The following GRID2 variants were observed in gnomAD, a reference collection of about 807,000 sequenced individuals.
The protein encoded by GRID2 is glutamate receptor ionotropic, delta-2.
In GRID2, 33 loss-of-function variants were observed where a neutral mutation model predicts 114.8. That is an observed-to-expected ratio of 0.29 (90% CI 0.22 to 0.38). The LOEUF (loss-of-function observed/expected upper bound fraction) is 0.38, where lower values mean the gene tolerates loss of function less well. Among genes scored for constraint, GRID2 ranks in the 10% least tolerant of loss-of-function variants. GRID2 has a pLI of 1.00. For synonymous variants in GRID2, 505 were observed against 449.9 expected, an observed-to-expected ratio of 1.12 and a Z score of -1.55; for missense variants, 1,184 against 1,257.7, an observed-to-expected ratio of 0.94 and a Z score of 0.89.
At chr4:92,828,112 T>C (rs1233779934) in intron 2 of GRID2, among the ~76,000 whole-genome samples, 2 of 152,044 alleles carry the variant, frequency 1.3e-5, no homozygotes. Flanking sequence ...ACTCCTCAAG[T>C]AATTGGTAAT....
intron 3 of GRID2, among the ~76,000 whole-genome samples, chr4:93,110,365 A>G (rs1241976027): frequency 6.6e-6 from 1 of 152,176 alleles, no homozygotes; most frequent in Non-Finnish European, 1.5e-5. Context: ...TCATGCTTAC[A>G]TGAGGTTAAT....
intron 2 of GRID2, among the ~76,000 whole-genome samples, chr4:93,039,286 G>C (rs531429487): frequency 1.3e-5 from 2 of 151,782 alleles, no homozygotes; most frequent in African/African-American, 4.8e-5. Flanking sequence ...CATGGACACA[G>C]GGAGGGGAAC....
At chr4:93,390,052 G>T (rs1179055343) in intron 8 of GRID2, among the ~76,000 whole-genome samples, 2 of 152,192 alleles carry the variant, frequency 1.3e-5, no homozygotes, top group Non-Finnish European at 2.9e-5. Context: ...GCCTCCCAAA[G>T]TGTTGGGACT....
At chr4:92,777,542 G>A (rs991598703) in intron 2 of GRID2, among the ~76,000 whole-genome samples, 9 of 152,000 alleles carry the variant, frequency 5.9e-5, no homozygotes, top group African/African-American at 1.9e-4. Context: ...CTTCTTAAAC[G>A]AGATGATCTG....
intron 3 of GRID2, among the ~76,000 whole-genome samples, chr4:93,094,577 A>G (rs1731045439): frequency 6.6e-6 from 1 of 152,000 alleles, no homozygotes; most frequent in Non-Finnish European, 1.5e-5. Flanking sequence ...ATAAATAGGT[A>G]ATATAATTTT....
intron 4 of GRID2, among the ~76,000 whole-genome samples, chr4:93,136,300 A>T (rs1028506911): frequency 1.3e-5 from 2 of 150,214 alleles, no homozygotes; most frequent in Non-Finnish European, 3.0e-5. Flanking sequence ...TAAGAATGCT[A>T]ACCTCTTGGA....
In GRID2 at chr4:93,198,536, T is replaced by C. The variant is rs72889672; in HGVS notation, c.736-8868T>C. Reference sequence around the variant, plus strand: ...AGAGGGACTAAGGGGTTATATAAAATACGTACAACATGGCCCTCACAGCCA... The same window carrying C: ...AGAGGGACTAAGGGGTTATATAAAACACGTACAACATGGCCCTCACAGCCA... On this transcript the variant is annotated intron_variant, in intron 4 of 15. Transcript: ENST00000282020. 7.7e-3 allele frequency among the ~76,000 whole-genome samples: 1,169 copies of C among 152,150 alleles called. 23 individuals carry two copies. Among genetic ancestry groups the C allele is most frequent in the African/African-American group, 0.027 (1,114 of 41,506 alleles).
chr4:92,578,782 G>A (rs911085033), intron 1 of GRID2, among the ~76,000 whole-genome samples: 8 of 143,354 alleles, frequency 5.6e-5, no homozygotes, highest in African/African-American at 2.1e-4. Context: ...TTGAATTCTT[G>A]TAATTACCAT....
chr4:93,501,190 T>G (rs534717775), intron 12 of GRID2, among the ~76,000 whole-genome samples: 3 of 151,992 alleles, frequency 2.0e-5, no homozygotes, highest in Non-Finnish European at 2.9e-5. Context: ...AAAAATTAGA[T>G]AGAAATATGA....
Position 92,540,140 on chromosome 4 carries a change from T to C in GRID2, c.89-49991T>C, listed in dbSNP as rs538427847. Among the ~76,000 whole-genome samples the C allele has an allele frequency of 1.5e-4, 23 of 152,234 alleles. No individual in the cohort carries two copies. The East Asian group carries it at 4.3e-3, about 28-fold the overall frequency. ...CCCTTCTTTACACCTTATACAAAAA[T>C]TAATTCAAGATGGATTAAAGACTTC... On this transcript the variant is annotated intron_variant, in intron 1 of 15. Coordinates refer to ENST00000282020, the MANE Select transcript of GRID2 (RefSeq NM_001510.4).
chr4:92,366,697 A>C (rs1728884992), intron 1 of GRID2, among the ~76,000 whole-genome samples: 2 of 152,094 alleles, frequency 1.3e-5, no homozygotes, highest in South Asian at 4.1e-4. Context: ...AAAGACCTAA[A>C]GGTAAGACCT....
At chr4:93,408,078 T>C (rs1275805027) in intron 9 of GRID2, among the ~76,000 whole-genome samples, 1 of 152,100 alleles carries the variant, frequency 6.6e-6, no homozygotes, top group African/African-American at 2.4e-5. Flanking sequence ...GAAAAAAGTA[T>C]TGAGGCCGAG....
At chr4:93,296,029 AATAGCAGAT>A (rs61428448) in intron 8 of GRID2, among the ~76,000 whole-genome samples, 7,203 of 152,234 alleles carry the variant, frequency 0.047, 349 homozygotes, top group African/African-American at 0.12. Context: ...GGTAGCTTGA[AATAGCAGAT>A]ATGTATGCTT....
chr4:92,620,946 A>G (rs1730243784), intron 2 of GRID2, among the ~76,000 whole-genome samples: 1 of 151,114 alleles, frequency 6.6e-6, no homozygotes, highest in Non-Finnish European at 1.5e-5. Flanking sequence ...GTATAATAAT[A>G]ATAATAATAA....
intron 2 of GRID2, among the ~76,000 whole-genome samples, chr4:92,748,546 A>C (rs554321877): frequency 1.3e-5 from 2 of 152,130 alleles, no homozygotes; most frequent in Admixed American, 1.3e-4. Context: ...CCAAGAGTAG[A>C]GAAAATCTCC....
chr4:93,714,953 T>C (rs1728784940), intron 14 of GRID2, among the ~76,000 whole-genome samples: 1 of 152,186 alleles, frequency 6.6e-6, no homozygotes, highest in African/African-American at 2.4e-5. Context: ...CATTTGTCAA[T>C]TTTTGCTTTT....
At position 92,634,879 on chromosome 4, in the gene GRID2, AAGAGAG is replaced by A. The variant is rs70942918; in HGVS notation, c.244+44607_244+44612del. On this transcript the variant is annotated intron_variant, in intron 2 of 15. Transcript: ENST00000282020. ...AGAGACAGAGAGAGAGAGAGAGAGA[AAGAGAG>A]AGAGAGAGAGAGAAATTGAGAGATT... Among the ~76,000 whole-genome samples the A allele has an allele frequency of 2.9e-5, 4 of 135,666 alleles. No individual in the cohort carries two copies. The South Asian group carries it at 9.5e-4, about 32-fold the overall frequency. The allele number at this position is 135,666 out of a possible 152,430, so 89.0% of individuals were successfully genotyped here.
At chr4:93,590,173 T>C (rs1037791508) in intron 13 of GRID2, among the ~76,000 whole-genome samples, 8 of 150,888 alleles carry the variant, frequency 5.3e-5, no homozygotes, top group Admixed American at 4.0e-4. Flanking sequence ...CTTCTAGGGT[T>C]TTTATGGTTT....
intron 8 of GRID2, among the ~76,000 whole-genome samples, chr4:93,387,778 C>T (rs577936960): frequency 4.2e-4 from 61 of 146,886 alleles, no homozygotes; most frequent in Admixed American, 2.6e-3. Context: ...CGAAGTGAGC[C>T]GAGATAATGC....
Sources: gnomAD v4.1 joint callset for allele counts (sites outside exome capture counted in the v4.1 genomes callset) on GRCh38, gnomAD v4.1.1 for gene constraint, MANE v1.5 for transcripts, NCBI Gene and HGNC (gene_info 2026-07-23, HGNC 2026-07-21) for gene names.